TUBGCP3: variants seen among roughly 807,000 people sequenced by gnomAD.
TUBGCP3 encodes tubulin gamma complex component 3.
In TUBGCP3, 50 loss-of-function variants were observed where a neutral mutation model predicts 123.1. The ratio of observed to expected loss-of-function variants is 0.41; its 90% CI spans 0.32 to 0.51. The LOEUF (loss-of-function observed/expected upper bound fraction) is 0.51. TUBGCP3 is among the 20% of genes least tolerant of loss of function. The pLI, the probability that TUBGCP3 is intolerant of heterozygous loss-of-function variation, is 0.36. For synonymous variants in TUBGCP3, 405 were observed against 413.9 expected (o/e 0.98, Z 0.26); for missense variants, 882 against 1,127.0 (o/e 0.78, Z 3.11).
chr13:112,573,792 C>T (rs111361935), intron 1 of TUBGCP3, among the ~76,000 whole-genome samples: 3,741 of 152,330 alleles, frequency 0.025, 72 homozygotes, highest in Middle Eastern at 0.054. Flanking sequence ...CAGTAGATAC[C>T]TCCAGATCCC....
the TUBGCP3 span, among the ~76,000 whole-genome samples, chr13:112,598,637 T>C: frequency 2.0e-5 from 3 of 152,136 alleles, no homozygotes; most frequent in Admixed American, 1.3e-4. Flanking sequence ...TACTGATAAC[T>C]ACCAAACTAA....
chr13:112,548,158 G>C lies in TUBGCP3; in HGVS notation c.985C>G (p.His329Asp). Residue 329 changes from histidine (H) to aspartate (D), a missense_variant, in exon 9 of 22, where the codon CAC becomes GAC. His to Asp is a moderately conservative substitution (Grantham distance 81). This residue lies in a region of TUBGCP3 where 713 missense variants were observed against 874.0 expected (regional missense o/e 0.82). Coordinates refer to ENST00000261965, the MANE Select transcript of TUBGCP3 (RefSeq NM_006322.6). ...CGATAGTATTCTCTGAGTTCCTGGT[G>C]CAAGGCAGCACAAAAGCTCTGTTTG... is the stretch of plus-strand genomic sequence containing the variant. The part of the protein sequence containing the change: ...LVGQSFCAAL[H>D]QELREYYRLL... 6.2e-7 allele frequency: 1 copy of C among 1,603,934 alleles called. No homozygotes were observed. Among genetic ancestry groups the C allele is most frequent in the Non-Finnish European group, 8.5e-7 (1 of 1,174,042 alleles).
intron 11 of TUBGCP3, among the ~76,000 whole-genome samples, chr13:112,535,103 G>A (rs1438461247): frequency 6.6e-6 from 1 of 152,156 alleles, no homozygotes; most frequent in Non-Finnish European, 1.5e-5. Flanking sequence ...CACCCACACT[G>A]TAGCAAGTAT....
intron 8 of TUBGCP3, among the ~76,000 whole-genome samples, 162 bp from the exon 9 acceptor site, chr13:112,548,338 T>C (rs1879240219): frequency 6.6e-6 from 1 of 152,202 alleles, no homozygotes; most frequent in Non-Finnish European, 1.5e-5. Context: ...ATCACCACAA[T>C]ATATATTTTA....
chr13:112,557,304 T>G (rs1880123128), intron 5 of TUBGCP3, among the ~76,000 whole-genome samples: 1 of 152,244 alleles, frequency 6.6e-6, no homozygotes, highest in Non-Finnish European at 1.5e-5. Context: ...GCTTTGCGTT[T>G]TCTTCATAGA....
the TUBGCP3 span, among the ~76,000 whole-genome samples, chr13:112,601,185 TAAA>T: frequency 4.6e-5 from 4 of 86,510 alleles, no homozygotes; most frequent in Non-Finnish European, 8.8e-5. Context: ...AGATTCTGTC[TAAA>T]AAAAAAAAAA....
chr13:112,572,422 C>T (rs1358758801), intron 1 of TUBGCP3, among the ~76,000 whole-genome samples: 1 of 152,088 alleles, frequency 6.6e-6, no homozygotes, highest in Non-Finnish European at 1.5e-5. Context: ...GCCCCTCACC[C>T]CCCACCCTCC....
chr13:112,586,814 G>A lies in TUBGCP3; in HGVS notation c.76+1091C>T, dbSNP rs115131181. On this transcript the variant is annotated intron_variant, in intron 1 of 21. Transcript: ENST00000261965. Reference sequence around the variant, plus strand: ...TTCCCGGGGGGAACTTTGAGGACGGGGTTGTCCTCAAAGATTTCTTAGATA... The same window carrying A: ...TTCCCGGGGGGAACTTTGAGGACGGAGTTGTCCTCAAAGATTTCTTAGATA... Among the ~76,000 whole-genome samples, 428 of 152,154 alleles carry A rather than the reference G, an allele frequency of 2.8e-3. 6 individuals carry two copies. The highest frequency in any genetic ancestry group is 9.4e-3 in the African/African-American group (388 of 41,492).
At chr13:112,577,871 CT>C (rs1476074382) in intron 1 of TUBGCP3, among the ~76,000 whole-genome samples, 1 of 152,110 alleles carries the variant, frequency 6.6e-6, no homozygotes, top group East Asian at 1.9e-4. Flanking sequence ...AACTTTTAGT[CT>C]TCAAGATAAG....
intron 19 of TUBGCP3, 120 bp downstream of exon 19, chr13:112,503,912 T>G: frequency 7.9e-7 from 1 of 1,265,238 alleles, no homozygotes; most frequent in Non-Finnish European, 1.1e-6. Flanking sequence ...AATAAAATTA[T>G]CTGAATTATT....
In TUBGCP3 at chr13:112,588,066, GC is replaced by G. The variant is rs1882760604; in HGVS notation, c.-87del. 1.7e-6 allele frequency: 2 copies of G among 1,158,874 alleles called. No individual in the cohort carries two copies. The highest frequency in any genetic ancestry group is 3.9e-5 in the Admixed American group (1 of 25,558). 71.8% of individuals were successfully genotyped at this position (1,158,874 alleles called of 1,614,324 possible). On this transcript the variant is annotated 5_prime_UTR_variant, in exon 1 of 22. Coordinates refer to ENST00000261965, the MANE Select transcript of TUBGCP3 (RefSeq NM_006322.6). The stretch of plus-strand genomic sequence containing the variant: ...GGACCGCGGCCCGCGCCCTTCCTGC[GC>G]CCCGCAAGCTCCCTGCTCCTGACAG...
At chr13:112,578,791 C>T (rs1882061566) in intron 1 of TUBGCP3, among the ~76,000 whole-genome samples, 2 of 152,164 alleles carry the variant, frequency 1.3e-5, no homozygotes, top group South Asian at 2.1e-4. Context: ...GACCCACTTT[C>T]GCTCTCAAAC....
At chr13:112,513,386 G>A (rs1444531319) in intron 17 of TUBGCP3, among the ~76,000 whole-genome samples, 2 of 152,216 alleles carry the variant, frequency 1.3e-5, no homozygotes, top group African/African-American at 2.4e-5. Flanking sequence ...GAATGGGTGG[G>A]ATCTGCTTGG....
At chr13:112,504,853 C>A (rs1158298754) in intron 17 of TUBGCP3, 139 bp from the exon 18 acceptor site, 2 of 689,332 alleles carry the variant, frequency 2.9e-6, no homozygotes, top group Non-Finnish European at 5.0e-6. Flanking sequence ...CAGGAAACAA[C>A]CTCTCCAGAA....
At position 112,507,651 on chromosome 13, in the gene TUBGCP3, G is replaced by A. The variant is rs547170121; in HGVS notation, c.2087-2937C>T. ...GCTCAGGTCTGTGCTGCTCTGCTCCGCCTGCATTTCTGAGGCTTCCTCCAG... is the reference window on the plus strand; with the variant it reads ...GCTCAGGTCTGTGCTGCTCTGCTCCACCTGCATTTCTGAGGCTTCCTCCAG... On this transcript the variant is annotated intron_variant, in intron 17 of 21. Coordinates refer to ENST00000261965, the MANE Select transcript of TUBGCP3 (RefSeq NM_006322.6). 5.3e-5 allele frequency among the ~76,000 whole-genome samples: 8 copies of A among 152,256 alleles called. No individual in the cohort carries two copies. The East Asian group carries it at 9.7e-4, about 18-fold the overall frequency.
intron 17 of TUBGCP3, among the ~76,000 whole-genome samples, chr13:112,505,172 C>G (rs1308075554): frequency 6.6e-6 from 1 of 152,120 alleles, no homozygotes. Context: ...GAAAGAGGAG[C>G]CTCGAGGGAG....
chr13:112,516,732 G>A (rs1421023504), intron 16 of TUBGCP3, among the ~76,000 whole-genome samples, 157 bp from the exon 17 acceptor site: 1 of 152,158 alleles, frequency 6.6e-6, no homozygotes, highest in African/African-American at 2.4e-5. Flanking sequence ...GCATTTTTAT[G>A]CCAGTTGTAC....
chr13:112,503,804 C>T (rs1881092941), intron 19 of TUBGCP3, among the ~76,000 whole-genome samples: 2 of 152,162 alleles, frequency 1.3e-5, no homozygotes, highest in African/African-American at 4.8e-5. Flanking sequence ...TTATTTTCTA[C>T]CATTTTTACA....
intron 8 of TUBGCP3, among the ~76,000 whole-genome samples, chr13:112,552,118 C>T (rs1879641594): frequency 6.6e-6 from 1 of 152,194 alleles, no homozygotes; most frequent in African/African-American, 2.4e-5. Context: ...AGGCCATGAA[C>T]CAGTACCGGT....
Sources: gnomAD v4.1 joint callset for allele counts (sites outside exome capture counted in the v4.1 genomes callset) on GRCh38, gnomAD v4.1.1 for gene constraint, gnomAD v4.1.1 regional missense constraint, MANE v1.5 for transcripts, NCBI Gene and HGNC (gene_info 2026-07-23, HGNC 2026-07-21) for gene names.